Variants in SNX29 observed in about 807,000 individuals in gnomAD.
SNX29 encodes sorting nexin-29.
Under a neutral mutation model 102.1 loss-of-function variants are expected in SNX29, and 78 were observed. The observed-to-expected ratio is 0.76, with a 90% CI of 0.64 to 0.92. SNX29 has a LOEUF of 0.92. Ranked by LOEUF, SNX29 falls within the 40% of genes least tolerant of loss-of-function variation. SNX29 has a pLI of 0.00. For synonymous variants in SNX29, 580 were observed against 414.5 expected, an observed-to-expected ratio of 1.40 and a Z score of -4.85; for missense variants, 1,280 against 1,061.7, an observed-to-expected ratio of 1.21 and a Z score of -2.86.
At chr16:12,073,888 C>G (rs942225606) in intron 10 of SNX29, among the ~76,000 whole-genome samples, 4 of 151,864 alleles carry the variant, frequency 2.6e-5, no homozygotes, top group Non-Finnish European at 5.9e-5. Flanking sequence ...ATAGTTAGCT[C>G]TTCTTGTTGA....
intron 18 of SNX29, among the ~76,000 whole-genome samples, chr16:12,460,202 C>A (rs2151749441): frequency 6.6e-6 from 1 of 152,316 alleles, no homozygotes; most frequent in South Asian, 2.1e-4. Flanking sequence ...ATCACCCAAC[C>A]ACGGCTCGCA....
intron 9 of SNX29, among the ~76,000 whole-genome samples, chr16:12,068,093 T>G (rs116510678): frequency 0.011 from 1,686 of 152,260 alleles, 31 homozygotes; most frequent in African/African-American, 0.038. Flanking sequence ...GGAGCAGTTT[T>G]GTCTTAACAG....
At chr16:12,030,848 G>T (rs2057320871) in intron 4 of SNX29, among the ~76,000 whole-genome samples, 1 of 152,106 alleles carries the variant, frequency 6.6e-6, no homozygotes, top group African/African-American at 2.4e-5. Flanking sequence ...GGGCTGACAG[G>T]CAGCGGCAGG....
chr16:12,226,347 C>G (rs1415637038), intron 14 of SNX29, among the ~76,000 whole-genome samples: 4 of 152,108 alleles, frequency 2.6e-5, no homozygotes, highest in African/African-American at 9.7e-5. Flanking sequence ...TAATGACCCC[C>G]TGAAAATGAA....
At chr16:12,548,600 G>T (rs4287556) in intron 20 of SNX29, among the ~76,000 whole-genome samples, 12 of 152,062 alleles carry the variant, frequency 7.9e-5, no homozygotes, top group African/African-American at 2.9e-4. Context: ...CCAGGCCCGG[G>T]TACTCTGTCC....
intron 15 of SNX29, among the ~76,000 whole-genome samples, chr16:12,302,661 A>C (rs72786345): frequency 0.012 from 1,854 of 152,298 alleles, 23 homozygotes; most frequent in Non-Finnish European, 0.016. Context: ...CTTCTAATAC[A>C]TTACCTTGGG....
intron 16 of SNX29, among the ~76,000 whole-genome samples, chr16:12,368,883 A>G (rs1049956437): frequency 5.3e-5 from 8 of 152,212 alleles, no homozygotes; most frequent in African/African-American, 1.9e-4. Flanking sequence ...CCTTCTTGAA[A>G]TGGCCTCTCT....
chr16:12,045,648 T>TTATTATTATTATTG (rs2050057868), intron 5 of SNX29, among the ~76,000 whole-genome samples: 1 of 77,172 alleles, frequency 1.3e-5, no homozygotes, highest in Non-Finnish European at 3.3e-5. Flanking sequence ...TATTATTATT[T>TTATTATTATTATTG]TGAGGTGGAG....
chr16:12,556,447 G>A (rs934069978), intron 20 of SNX29: 8 of 152,258 alleles, frequency 5.3e-5, no homozygotes, highest in African/African-American at 1.9e-4. Flanking sequence ...GAAACTCCAA[G>A]GAACTCTTAG....
intron 18 of SNX29, among the ~76,000 whole-genome samples, chr16:12,433,383 C>T (rs1206639546): frequency 6.6e-6 from 1 of 152,116 alleles, no homozygotes; most frequent in African/African-American, 2.4e-5. Context: ...GTCAGCCCAG[C>T]ACTTTGGGAG....
chr16:12,384,805 C>G (rs1365198361), intron 16 of SNX29, among the ~76,000 whole-genome samples: 7 of 152,342 alleles, frequency 4.6e-5, no homozygotes, highest in Middle Eastern at 3.4e-3. Flanking sequence ...GACCCACAGA[C>G]TTCTGGGGCA....
At chr16:12,092,482 GT>G (rs1308567784) in intron 11 of SNX29, among the ~76,000 whole-genome samples, 2 of 152,198 alleles carry the variant, frequency 1.3e-5, no homozygotes, top group Non-Finnish European at 2.9e-5. Flanking sequence ...GCTCAAGGGA[GT>G]GGATTTTCAC....
intron 16 of SNX29, among the ~76,000 whole-genome samples, chr16:12,391,486 G>T (rs1024039305): frequency 4.6e-5 from 7 of 152,088 alleles, no homozygotes; most frequent in African/African-American, 9.7e-5. Context: ...AACTTTCCAG[G>T]ATTTTGCTTG....
intron 20 of SNX29, among the ~76,000 whole-genome samples, chr16:12,538,386 G>T (rs151290218): frequency 4.6e-5 from 7 of 152,204 alleles, no homozygotes; most frequent in African/African-American, 1.2e-4. Context: ...CACCGCGCCC[G>T]GCCTCCCCTT....
chr16:12,563,520 G>C (rs954194560), intron 20 of SNX29, among the ~76,000 whole-genome samples: 1 of 152,212 alleles, frequency 6.6e-6, no homozygotes, highest in African/African-American at 2.4e-5. Context: ...CCCCGCATGT[G>C]AAAAATTGAG....
intron 13 of SNX29, among the ~76,000 whole-genome samples, chr16:12,156,122 G>C (rs2055539184): frequency 6.6e-6 from 1 of 152,186 alleles, no homozygotes; most frequent in African/African-American, 2.4e-5. Context: ...TCTCTACCAA[G>C]ACCCTCTTCC....
chr16:12,539,851 G>A (rs2077245682), intron 20 of SNX29, among the ~76,000 whole-genome samples: 1 of 152,224 alleles, frequency 6.6e-6, no homozygotes. Context: ...GTAAGTAAGT[G>A]TCCAAGTATT....
chr16:12,493,900 GTT>G (rs2088678424), intron 19 of SNX29, among the ~76,000 whole-genome samples: 1 of 152,146 alleles, frequency 6.6e-6, no homozygotes, highest in African/African-American at 2.4e-5. Context: ...CCCTCATTTT[GTT>G]TTTGATTCAC....
chr16:12,476,974 T>C (rs2087683911), intron 18 of SNX29, among the ~76,000 whole-genome samples: 1 of 152,212 alleles, frequency 6.6e-6, no homozygotes, highest in African/African-American at 2.4e-5. Flanking sequence ...TTAACTCATG[T>C]AATTTTAAAA....
Sources: allele counts gnomAD v4.1 joint callset (sites outside exome capture counted in the v4.1 genomes callset), GRCh38; gene constraint gnomAD v4.1.1; transcripts MANE v1.5; gene names NCBI Gene and HGNC (gene_info 2026-07-23, HGNC 2026-07-21).